URI1: variants seen among roughly 807,000 people sequenced by gnomAD.
URI1 encodes URI1 prefoldin like chaperone.
Under a neutral mutation model 60.2 loss-of-function variants are expected in URI1, and 39 were observed. That is an observed-to-expected ratio of 0.65 (90% CI 0.50 to 0.85). URI1 has a LOEUF of 0.85. URI1 is among the 40% of genes least tolerant of loss of function. The pLI is 0.00. For synonymous variants in URI1, 251 were observed against 236.8 expected (o/e 1.06, Z -0.55); for missense variants, 691 against 665.9 (o/e 1.04, Z -0.42).
chr19:29,933,738 C>A (rs1181183774), intron 1 of URI1, among the ~76,000 whole-genome samples: 1 of 151,546 alleles, frequency 6.6e-6, no homozygotes, highest in East Asian at 2.0e-4. Flanking sequence ...AGGAGCATTG[C>A]TAGAACCCGG....
At chr19:29,992,171 G>C (rs1247687358) in intron 4 of URI1, among the ~76,000 whole-genome samples, 1 of 152,192 alleles carries the variant, frequency 6.6e-6, no homozygotes, top group Non-Finnish European at 1.5e-5. Flanking sequence ...CCAAGTTCAA[G>C]TGGTTCTCCC....
intron 4 of URI1, among the ~76,000 whole-genome samples, chr19:30,000,880 T>A (rs891906231): frequency 2.6e-5 from 4 of 151,954 alleles, no homozygotes; most frequent in Non-Finnish European, 4.4e-5. Context: ...CCTATTTGTT[T>A]GTCCTTGTTG....
chr19:29,985,154 A>ATGGTT, intron 2 of URI1, 69 bp from the exon 3 acceptor site: 1 of 373,426 alleles, frequency 2.7e-6, no homozygotes, highest in Non-Finnish European at 4.5e-6. Flanking sequence ...AAAAAAAAAA[A>ATGGTT]AAAAAAAAAA....
intron 1 of URI1, 38 bp from the exon 2 acceptor site, chr19:29,971,153 GCT>G (rs768659878): frequency 1.2e-6 from 2 of 1,605,550 alleles, no homozygotes; most frequent in South Asian, 1.1e-5. Context: ...TCTGTGCATA[GCT>G]CTGTTTTTTC....
chr19:29,968,855 G>A (rs1361226879), intron 1 of URI1, among the ~76,000 whole-genome samples: 1 of 151,722 alleles, frequency 6.6e-6, no homozygotes, highest in African/African-American at 2.4e-5. Context: ...ACAGGCGTGA[G>A]CCACCGCGTC....
intron 1 of URI1, among the ~76,000 whole-genome samples, chr19:29,931,109 G>T (rs1182942617): frequency 6.6e-6 from 1 of 152,006 alleles, no homozygotes; most frequent in Non-Finnish European, 1.5e-5. Flanking sequence ...GTTATTTGGG[G>T]TCTCTTGAAA....
At chr19:29,961,775 T>C (rs1334042986) in intron 1 of URI1, among the ~76,000 whole-genome samples, 1 of 151,322 alleles carries the variant, frequency 6.6e-6, no homozygotes, top group Non-Finnish European at 1.5e-5. Context: ...AACCTCTATC[T>C]CCTGGGTTCA....
At chr19:29,953,252 A>T (rs1410150080) in intron 1 of URI1, among the ~76,000 whole-genome samples, 1 of 152,194 alleles carries the variant, frequency 6.6e-6, no homozygotes, top group Non-Finnish European at 1.5e-5. Context: ...TAAGTAAAAT[A>T]AAAATTCAGT....
chr19:29,955,504 C>T lies in URI1; in HGVS notation c.117+12840C>T, dbSNP rs577822267. On this transcript the variant is annotated intron_variant, in intron 1 of 10. Coordinates refer to ENST00000392271, the MANE Select transcript of URI1 (RefSeq NM_003796.3). ...AGCTTTATCCATATTTATAACCACCCTCTCAATGAACTATTATGTTTAATT... is the reference window on the plus strand; with the variant it reads ...AGCTTTATCCATATTTATAACCACCTTCTCAATGAACTATTATGTTTAATT... Among the ~76,000 whole-genome samples the T allele has an allele frequency of 1.8e-4, 28 of 152,146 alleles. 1 individual carries two copies. The highest frequency in any genetic ancestry group is 9.2e-4 in the Admixed American group (14 of 15,286).
rs761458528 is a variant in URI1, at chr19:30,005,716, G to A, written c.517+8G>A. 10 of 1,608,678 alleles carry A rather than the reference G, an allele frequency of 6.2e-6. No individual in the cohort carries two copies. In the South Asian group the frequency reaches 1.0e-4, roughly 16 times the overall value. On this transcript the variant is annotated splice_region_variant and intron_variant, in intron 6 of 10. Transcript: ENST00000392271. Reference sequence around the variant, plus strand: ...GTGACTTCGAATTTAAAGGTAAGCAGTAAGATTGTTTTATGTGTAGCTGTT... The same window carrying A: ...GTGACTTCGAATTTAAAGGTAAGCAATAAGATTGTTTTATGTGTAGCTGTT...
chr19:30,007,511 A>G lies in URI1; in HGVS notation c.559A>G (p.Thr187Ala), dbSNP rs750691974. 5.0e-6 allele frequency: 8 copies of G among 1,613,318 alleles called. No individual in the cohort carries two copies. The highest frequency in any genetic ancestry group is 6.8e-6 in the Non-Finnish European group (8 of 1,179,508). Residue 187 changes from threonine to alanine, a missense_variant, in exon 7 of 11, where the codon ACT (threonine) becomes GCT (alanine). Coordinates refer to ENST00000392271, the MANE Select transcript of URI1 (RefSeq NM_003796.3). ...TCATAAACCGCATTCCAAACCAAAA[A>G]CTTCAGATATTTTTGAAGCAGATAT... ...IAHKPHSKPK[T>A]SDIFEADIAN...
intron 2 of URI1, chr19:29,980,411 G>A (rs1187714427): frequency 2.0e-5 from 3 of 151,738 alleles, no homozygotes; most frequent in Admixed American, 6.6e-5. Flanking sequence ...GTTATATATT[G>A]TATATATTCC....
intron 4 of URI1, among the ~76,000 whole-genome samples, chr19:30,001,192 G>A (rs1568441288): frequency 6.6e-6 from 1 of 151,584 alleles, no homozygotes; most frequent in Non-Finnish European, 1.5e-5. Flanking sequence ...TCAAATGTCT[G>A]GTGATCCTTG....
chr19:29,941,991 T>G (rs2055029459), upstream of URI1, among the ~76,000 whole-genome samples: 1 of 151,728 alleles, frequency 6.6e-6, no homozygotes, highest in Non-Finnish European at 1.5e-5. Context: ...AAGCTTTTTT[T>G]TTTTAAGGTT....
chr19:29,960,228 A>G (rs555976925), intron 1 of URI1, among the ~76,000 whole-genome samples: 1 of 152,090 alleles, frequency 6.6e-6, no homozygotes, highest in East Asian at 1.9e-4. Flanking sequence ...AATTTTTCAT[A>G]ATTTACTTGG....
intron 1 of URI1, among the ~76,000 whole-genome samples, chr19:29,952,673 C>T (rs1390877027): frequency 6.6e-6 from 1 of 151,786 alleles, no homozygotes; most frequent in East Asian, 1.9e-4. Flanking sequence ...GTTTAGAGAT[C>T]TTTTATTCTA....
At chr19:30,008,340 A>G (rs1490345242) in intron 7 of URI1, among the ~76,000 whole-genome samples, 2 of 152,150 alleles carry the variant, frequency 1.3e-5, no homozygotes, top group African/African-American at 4.8e-5. Context: ...TGTTTCACCT[A>G]TAAATTCTTA....
chr19:29,987,082 G>A (rs898182473), intron 4 of URI1, among the ~76,000 whole-genome samples: 2 of 152,162 alleles, frequency 1.3e-5, no homozygotes, highest in Admixed American at 1.3e-4. Flanking sequence ...AGTTGGATGA[G>A]CTAGCTTGGG....
intron 1 of URI1, among the ~76,000 whole-genome samples, chr19:29,966,499 T>G (rs1163538723): frequency 6.6e-6 from 1 of 152,202 alleles, no homozygotes; most frequent in African/African-American, 2.4e-5. Context: ...TATTGCATTT[T>G]TTTCTGTTAG....
Sources: allele counts gnomAD v4.1 joint callset (sites outside exome capture counted in the v4.1 genomes callset), GRCh38; gene constraint gnomAD v4.1.1; transcripts MANE v1.5; gene names NCBI Gene and HGNC (gene_info 2026-07-23, HGNC 2026-07-21).